Variants in PPP2R2C observed in about 807,000 individuals in gnomAD.
PPP2R2C encodes the protein protein phosphatase 2, regulatory subunit B, gamma.
PPP2R2C carries 10 observed loss-of-function variants against 45.3 expected under a neutral mutation model. That is an observed-to-expected ratio of 0.22 (90% CI 0.14 to 0.37). The LOEUF is 0.37. Among genes scored for constraint, PPP2R2C ranks in the 10% least tolerant of loss-of-function variants. PPP2R2C has a pLI of 1.00. For synonymous variants in PPP2R2C, 257 were observed against 245.4 expected (o/e 1.05, Z -0.44); for missense variants, 308 against 619.7 (o/e 0.50, Z 5.34).
intron 5 of PPP2R2C, among the ~76,000 whole-genome samples, chr4:6,355,993 G>GAAAAAAAAAAAAAA (rs61011461): frequency 3.1e-5 from 3 of 97,880 alleles, no homozygotes; most frequent in Non-Finnish European, 4.2e-5. Flanking sequence ...ACTCTGCCTG[G>GAAAAAAAAAAAAAA]AAAAAAAAAA....
chr4:6,478,566 A>G (rs778597572), intron 2 of PPP2R2C, among the ~76,000 whole-genome samples: 1 of 152,126 alleles, frequency 6.6e-6, no homozygotes, highest in African/African-American at 2.4e-5. Flanking sequence ...CACGCATGTG[A>G]TATGTTTTGT....
chr4:6,356,575 T>A (rs1713214238), intron 5 of PPP2R2C, among the ~76,000 whole-genome samples: 1 of 152,220 alleles, frequency 6.6e-6, no homozygotes, highest in Non-Finnish European at 1.5e-5. Flanking sequence ...GTGCCTCGGT[T>A]TCCCCAACTT....
chr4:6,328,923 T>C lies in PPP2R2C; in HGVS notation c.1052+339A>G, dbSNP rs4543209. ...GTGTGGATGGATGATGGTGACCGGG[T>C]GCTGGGCTATAGCCCTCGCCCCCGA... On this transcript the variant is annotated intron_variant, in intron 8 of 8. Coordinates refer to ENST00000382599, the MANE Select transcript of PPP2R2C (RefSeq NM_020416.4). This position sits in a 1 kb window ranked among gnomAD's most constrained non-coding sequence, Gnocchi z 4.4. Among the ~76,000 whole-genome samples the C allele has an allele frequency of 0.2, 13,710 of 68,358 alleles. 2,081 individuals are homozygous for C. Among genetic ancestry groups the C allele is most frequent in the African/African-American group, 0.51 (12,868 of 25,258 alleles). The allele number at this position is 68,358 out of a possible 152,430, so 44.8% of individuals were successfully genotyped here.
At chr4:6,464,021 T>C (rs1721466708) in intron 1 of PPP2R2C, among the ~76,000 whole-genome samples, 1 of 152,110 alleles carries the variant, frequency 6.6e-6, no homozygotes, top group Non-Finnish European at 1.5e-5. Context: ...GGAGCGTGGG[T>C]TTGGCAGGCT....
At chr4:6,474,879 T>C (rs1722085515), upstream of PPP2R2C, among the ~76,000 whole-genome samples, 1 of 146,542 alleles carries the variant, frequency 6.8e-6, no homozygotes, top group African/African-American at 2.5e-5. Context: ...AATCTGCTGC[T>C]TCCTCATCTG....
chr4:6,465,195 A>G (rs533026680), intron 1 of PPP2R2C, among the ~76,000 whole-genome samples: 2 of 152,154 alleles, frequency 1.3e-5, no homozygotes, highest in South Asian at 2.1e-4. Context: ...AAAAAGAGCT[A>G]TGGACCCCTA....
intron 4 of PPP2R2C, among the ~76,000 whole-genome samples, chr4:6,375,286 A>G (rs1161792520): frequency 6.6e-6 from 1 of 152,162 alleles, no homozygotes; most frequent in African/African-American, 2.4e-5. Flanking sequence ...ACTGCTTTAT[A>G]TTTATGGCGG....
intron 8 of PPP2R2C, among the ~76,000 whole-genome samples, chr4:6,327,692 G>T (rs1250078513): frequency 6.6e-6 from 1 of 152,164 alleles, no homozygotes; most frequent in Non-Finnish European, 1.5e-5. Context: ...AGGGCCTAGA[G>T]AGAAGGTCCT....
intron 2 of PPP2R2C, among the ~76,000 whole-genome samples, chr4:6,498,579 A>G (rs1196029277): frequency 1.3e-5 from 2 of 152,224 alleles, no homozygotes; most frequent in Non-Finnish European, 2.9e-5. Flanking sequence ...TGCCGTGAAT[A>G]CTAATGAGGG....
rs1206782565 is a variant in PPP2R2C at position 6,472,330 on chromosome 4, C to A, written c.-101G>T. The A allele has an allele frequency of 1.4e-6, 2 of 1,418,006 alleles. No individual in the cohort carries two copies. The highest frequency in any genetic ancestry group is 3.0e-5 in the African/African-American group (2 of 67,400). 87.8% of individuals were successfully genotyped at this position (1,418,006 alleles called of 1,614,324 possible). A position where few individuals can be genotyped will look rare whatever the true frequency, so the allele number is the denominator to read the frequency against. On this transcript the variant is annotated 5_prime_UTR_variant, in exon 1 of 9. Transcript: ENST00000382599. ...CGCGGGCCATGCCGCCGCAGCCTAG[C>A]AGGGGCGCGGGCCGCCGGGGCCCCG...
chr4:6,417,829 G>A (rs1345357231), intron 1 of PPP2R2C, among the ~76,000 whole-genome samples: 2 of 152,360 alleles, frequency 1.3e-5, no homozygotes, highest in Non-Finnish European at 2.9e-5. Flanking sequence ...GACACCCAGA[G>A]CAGCCATCAG....
chr4:6,412,439 C>A (rs1718252444), intron 1 of PPP2R2C, among the ~76,000 whole-genome samples: 1 of 152,186 alleles, frequency 6.6e-6, no homozygotes, highest in African/African-American at 2.4e-5. Flanking sequence ...CACAGGGGCT[C>A]ACCCCTCTAT....
At chr4:6,464,962 A>C (rs1443140399) in intron 1 of PPP2R2C, among the ~76,000 whole-genome samples, 1 of 152,132 alleles carries the variant, frequency 6.6e-6, no homozygotes, top group Non-Finnish European at 1.5e-5. Flanking sequence ...TCCAGCCATA[A>C]GGAAATGATT....
chr4:6,511,538 TGGTGGTG>T (rs1723493496), intron 2 of PPP2R2C, among the ~76,000 whole-genome samples: 1 of 26,972 alleles, frequency 3.7e-5, no homozygotes, highest in Non-Finnish European at 1.2e-4. Flanking sequence ...GTGGTGGTGG[TGGTGGTG>T]ATGGTGGTGG....
intron 5 of PPP2R2C, among the ~76,000 whole-genome samples, chr4:6,372,292 G>A (rs1295546172): frequency 6.6e-6 from 1 of 152,224 alleles, no homozygotes; most frequent in Non-Finnish European, 1.5e-5. Context: ...TGCTGGAGGA[G>A]GCGATGGGTG....
intron 2 of PPP2R2C, among the ~76,000 whole-genome samples, chr4:6,514,419 A>T (rs1723768262): frequency 6.6e-6 from 1 of 152,174 alleles, no homozygotes; most frequent in Non-Finnish European, 1.5e-5. Flanking sequence ...TTGATAGAAG[A>T]GGTGATTGGT....
chr4:6,399,733 G>A (rs904926561), intron 1 of PPP2R2C, among the ~76,000 whole-genome samples: 1 of 152,234 alleles, frequency 6.6e-6, no homozygotes, highest in African/African-American at 2.4e-5. Flanking sequence ...GCTGAGAAAG[G>A]CAGAGTGAGG....
chr4:6,396,992 A>C (rs1450850099), intron 1 of PPP2R2C, among the ~76,000 whole-genome samples: 4 of 152,100 alleles, frequency 2.6e-5, no homozygotes, highest in Non-Finnish European at 5.9e-5. Flanking sequence ...GGCTCAAAAA[A>C]TTCCTAAAAA....
chr4:6,373,391 T>C (rs1715023090), intron 4 of PPP2R2C, among the ~76,000 whole-genome samples: 1 of 152,182 alleles, frequency 6.6e-6, no homozygotes, highest in African/African-American at 2.4e-5. Context: ...CGAACTTTCA[T>C]CTCAGACAGT....
Sources: gnomAD v4.1 joint callset for allele counts (sites outside exome capture counted in the v4.1 genomes callset) on GRCh38, gnomAD v4.1.1 for gene constraint, Gnocchi (gnomAD v3.1) non-coding constraint, MANE v1.5 for transcripts, NCBI Gene and HGNC (gene_info 2026-07-23, HGNC 2026-07-21) for gene names.